The following PNPLA8 variants were observed in gnomAD, a reference collection of about 807,000 sequenced individuals.
PNPLA8 encodes the protein calcium-independent phospholipase A2-gamma.
Under a neutral mutation model 76.9 loss-of-function variants are expected in PNPLA8, and 39 were observed. The ratio of observed to expected loss-of-function variants is 0.51; its 90% CI spans 0.39 to 0.66. PNPLA8 has a LOEUF of 0.66. Among genes scored for constraint, PNPLA8 ranks in the 30% least tolerant of loss-of-function variants. PNPLA8 has a pLI of 0.00. For synonymous variants in PNPLA8, 301 were observed against 307.9 expected (o/e 0.98, Z 0.24); for missense variants, 887 against 918.0 (o/e 0.97, Z 0.44).
chr7:108,484,324 T>C (rs554390865), intron 9 of PNPLA8, among the ~76,000 whole-genome samples: 31 of 152,162 alleles, frequency 2.0e-4, no homozygotes, highest in Non-Finnish European at 3.7e-4. Flanking sequence ...AGATGGCTAT[T>C]CTATCAGTAG....
At chr7:108,476,539 G>A (rs1860007667) in intron 10 of PNPLA8, among the ~76,000 whole-genome samples, 1 of 152,194 alleles carries the variant, frequency 6.6e-6, no homozygotes, top group Non-Finnish European at 1.5e-5. Context: ...CTGTTTATAG[G>A]AATGTAAATT....
intron 2 of PNPLA8, among the ~76,000 whole-genome samples, chr7:108,520,498 T>C (rs913211907): frequency 6.6e-6 from 1 of 152,100 alleles, no homozygotes; most frequent in Non-Finnish European, 1.5e-5. Flanking sequence ...GGTACGAACA[T>C]ACAGTTAGAA....
chr7:108,489,583 A>C (rs909491078), intron 8 of PNPLA8, among the ~76,000 whole-genome samples: 1 of 152,204 alleles, frequency 6.6e-6, no homozygotes, highest in Non-Finnish European at 1.5e-5. Flanking sequence ...CTGTGTGATT[A>C]TTTCATTAAT....
chr7:108,517,418 G>A (rs990109722), intron 2 of PNPLA8, among the ~76,000 whole-genome samples: 10 of 152,200 alleles, frequency 6.6e-5, no homozygotes, highest in African/African-American at 2.2e-4. Context: ...ACCCAAAGGA[G>A]CTGAAGACTA....
At chr7:108,491,291 G>C (rs1861146935) in intron 8 of PNPLA8, 119 bp downstream of exon 8, 9 of 661,028 alleles carry the variant, frequency 1.4e-5, no homozygotes, top group Non-Finnish European at 2.1e-5. Context: ...TGGGCAATAA[G>C]AGTGAAACTC....
intron 7 of PNPLA8, among the ~76,000 whole-genome samples, chr7:108,493,574 T>C (rs1180764441): frequency 7.1e-6 from 1 of 141,504 alleles, no homozygotes; most frequent in African/African-American, 2.6e-5. Context: ...CTGGCTTTTT[T>C]TTTTTTTTTT....
At chr7:108,526,757 A>G (rs1241893640), upstream of PNPLA8, among the ~76,000 whole-genome samples, 18 of 152,358 alleles carry the variant, frequency 1.2e-4, no homozygotes, top group Non-Finnish European at 8.8e-5. Flanking sequence ...CCCACACGTA[A>G]CACATCTTTT....
intron 4 of PNPLA8, 70 bp from the exon 5 acceptor site, chr7:108,502,712 C>T: frequency 9.1e-7 from 1 of 1,094,440 alleles, no homozygotes; most frequent in Non-Finnish European, 1.4e-6. Flanking sequence ...TTATTATTAA[C>T]CAATACATGC....
At chr7:108,496,079 G>GA in intron 7 of PNPLA8, among the ~76,000 whole-genome samples, 1 of 152,032 alleles carries the variant, frequency 6.6e-6, no homozygotes, top group Non-Finnish European at 1.5e-5. Flanking sequence ...ACTAAAAACA[G>GA]AAAAAATTAG....
chr7:108,500,105 T>A (rs1861831614), intron 5 of PNPLA8, among the ~76,000 whole-genome samples: 1 of 152,192 alleles, frequency 6.6e-6, no homozygotes, highest in Non-Finnish European at 1.5e-5. Context: ...ATTGTTTTGT[T>A]TGCTCACTGT....
At chr7:108,520,679 A>G (rs1348576146) in intron 2 of PNPLA8, among the ~76,000 whole-genome samples, 3 of 152,200 alleles carry the variant, frequency 2.0e-5, no homozygotes, top group African/African-American at 7.2e-5. Flanking sequence ...GTATGCATGT[A>G]TCAAAATATC....
chr7:108,518,747 A>G (rs1267375824), intron 2 of PNPLA8, among the ~76,000 whole-genome samples: 1 of 133,856 alleles, frequency 7.5e-6, no homozygotes, highest in Non-Finnish European at 1.5e-5. Flanking sequence ...ATATATATAT[A>G]TATATATATA....
chr7:108,501,778 C>T (rs1388926449), intron 5 of PNPLA8, among the ~76,000 whole-genome samples: 3 of 151,774 alleles, frequency 2.0e-5, no homozygotes, highest in African/African-American at 7.3e-5. Flanking sequence ...GATCTGAGAT[C>T]GCACCACTGC....
chr7:108,497,610 C>T (rs202240367), intron 5 of PNPLA8, 33 bp from the exon 6 acceptor site: 2 of 1,283,702 alleles, frequency 1.6e-6, no homozygotes, highest in Non-Finnish European at 2.2e-6. Context: ...AATGACAATT[C>T]CTGTTTAAAG....
upstream of PNPLA8, chr7:108,528,127 G>C (rs558095587): frequency 5.3e-5 from 8 of 152,084 alleles, no homozygotes; most frequent in African/African-American, 1.7e-4. Flanking sequence ...CTCCACATTC[G>C]CATTTCCACT....
chr7:108,524,146 A>G (rs1863924991), intron 1 of PNPLA8, among the ~76,000 whole-genome samples: 1 of 152,244 alleles, frequency 6.6e-6, no homozygotes, highest in Non-Finnish European at 1.5e-5. Flanking sequence ...CCACAACATT[A>G]GACGTATTTA....
At chr7:108,512,265 T>C (rs559428750) in intron 4 of PNPLA8, among the ~76,000 whole-genome samples, 1 of 152,350 alleles carries the variant, frequency 6.6e-6, no homozygotes, top group South Asian at 2.1e-4. Context: ...AAATAAACTC[T>C]AATACATTAC....
At chr7:108,516,562 T>C (rs1254003228) in intron 2 of PNPLA8, among the ~76,000 whole-genome samples, 2 of 152,162 alleles carry the variant, frequency 1.3e-5, no homozygotes, top group East Asian at 3.9e-4. Context: ...CAATATCAAA[T>C]GCACAATACA....
At chr7:108,489,861 C>G (rs150409903) in intron 8 of PNPLA8, among the ~76,000 whole-genome samples, 2 of 152,210 alleles carry the variant, frequency 1.3e-5, no homozygotes, top group African/African-American at 4.8e-5. Context: ...ACTCAAGCAA[C>G]ACTCAGATCA....
Sources: gnomAD v4.1 joint callset for allele counts (sites outside exome capture counted in the v4.1 genomes callset) on GRCh38, gnomAD v4.1.1 for gene constraint, MANE v1.5 for transcripts, NCBI Gene and HGNC (gene_info 2026-07-23, HGNC 2026-07-21) for gene names.